Variants in COL4A3 observed in about 807,000 individuals in gnomAD.
COL4A3 encodes collagen type IV alpha 3 chain, also known as collagen alpha-3(IV) chain.
A neutral mutation model predicts 217.4 loss-of-function variants in COL4A3; 135 were observed. That is an observed-to-expected ratio of 0.62 (90% CI 0.54 to 0.72). The LOEUF is 0.72. COL4A3 is among the 30% of genes least tolerant of loss of function. The probability of loss-of-function intolerance (pLI) is 0.00; values close to 1 mark genes in which losing one functional copy is unlikely to be tolerated. For synonymous variants in COL4A3, 690 were observed against 736.3 expected (o/e 0.94, Z 1.02); for missense variants, 1,868 against 2,119.9 (o/e 0.88, Z 2.33).
At chr2:227,261,152 G>C (rs372266721) in intron 20 of COL4A3, 35 bp downstream of exon 20, 16 of 1,571,196 alleles carry the variant, frequency 1.0e-5, no homozygotes, top group Non-Finnish European at 1.3e-5. Context: ...AAATAGAAAT[G>C]CTATTACAAA....
rs2073630855 is a variant in COL4A3, at chr2:227,309,003, C to T, written c.4567C>T (p.Leu1523=). 9 of 1,614,176 alleles carry T rather than the reference C, an allele frequency of 5.6e-6. No homozygotes were observed. The highest frequency in any genetic ancestry group is 7.6e-6 in the Non-Finnish European group (9 of 1,180,016). The part of the protein sequence containing the change: ...FASRNDYSYW[L]STPALMPMNM... ...ATCTCGAAATGATTATTCATACTGG[C>T]TGTCAACACCAGCTCTGATGCCAAT... The change falls in exon 49 of 52, where the codon CTG becomes TTG. Residue 1523 remains leucine, a synonymous_variant. Transcript: ENST00000396578.
In COL4A3 at chr2:227,280,947, T is replaced by C. The variant is rs1430269347; in HGVS notation, c.2429T>C (p.Ile810Thr). The C allele has an allele frequency of 3.2e-6, 5 of 1,568,528 alleles. No individual in the cohort carries two copies. Among genetic ancestry groups the C allele is most frequent in the South Asian group, 2.4e-5 (2 of 84,906 alleles). ...GAACAAGGACCCCCAGGAAGGTGCA[T>C]AGAGGGTCCCAGGGGAGCCCAAGGA... ...PGEQGPPGRC[I>T]EGPRGAQGLP... The change falls in exon 31 of 52, where the codon ATA becomes ACA. Residue 810 changes from isoleucine (I) to threonine (T), a missense_variant. Ile to Thr is a moderately conservative substitution (Grantham distance 89). Around this residue, in one of 2 missense-constraint regions of COL4A3, gnomAD observed 1,503 missense variants for 1,786.1 expected, o/e 0.84. Coordinates refer to ENST00000396578, the MANE Select transcript of COL4A3 (RefSeq NM_000091.5).
intron 1 of COL4A3, among the ~76,000 whole-genome samples, chr2:227,193,638 G>C (rs2066328162): frequency 6.6e-6 from 1 of 151,768 alleles, no homozygotes. Flanking sequence ...CTTGAACCAG[G>C]GAGACTGAAG....
intron 1 of COL4A3, among the ~76,000 whole-genome samples, chr2:227,206,281 C>G (rs2067098312): frequency 6.6e-6 from 1 of 152,132 alleles, no homozygotes; most frequent in African/African-American, 2.4e-5. Context: ...ACCATGTTGG[C>G]CAGGCTGGTC....
intron 1 of COL4A3, among the ~76,000 whole-genome samples, chr2:227,176,953 G>A (rs1391446315): frequency 2.0e-5 from 3 of 152,074 alleles, no homozygotes; most frequent in African/African-American, 7.2e-5. Context: ...AGTTATATGT[G>A]CTGTACAAAA....
At chr2:227,276,181 C>T (rs1357647221) in intron 26 of COL4A3, among the ~76,000 whole-genome samples, 1 of 152,202 alleles carries the variant, frequency 6.6e-6, no homozygotes, top group Non-Finnish European at 1.5e-5. Flanking sequence ...AGACGATTGT[C>T]TACACTTATA....
intron 1 of COL4A3, among the ~76,000 whole-genome samples, chr2:227,179,645 T>G (rs2065806381): frequency 6.6e-6 from 1 of 152,230 alleles, no homozygotes. Context: ...GACAAAACAT[T>G]GAATGTTTCA....
chr2:227,303,005 G>T, intron 43 of COL4A3, 33 bp from the exon 44 acceptor site: 1 of 1,476,886 alleles, frequency 6.8e-7, no homozygotes, highest in Non-Finnish European at 9.5e-7. Context: ...TTAAAAATTT[G>T]TTTTGGTTCT....
chr2:227,197,551 A>T lies in COL4A3; in HGVS notation c.87+32738A>T, dbSNP rs933756377. Among the ~76,000 whole-genome samples the T allele has an allele frequency of 3.9e-5, 6 of 152,196 alleles. No individual in the cohort carries two copies. In the East Asian group the frequency reaches 7.7e-4, roughly 20 times the overall value. ...GTATACTTAAAAAAAAATCACCAAG[A>T]CCAAGTAGTATTATTCCAGAAATGC... On this transcript the variant is annotated intron_variant, in intron 1 of 51. Coordinates refer to ENST00000396578, the MANE Select transcript of COL4A3 (RefSeq NM_000091.5).
At chr2:227,221,600 G>C (rs557963658) in intron 1 of COL4A3, 26 of 151,954 alleles carry the variant, frequency 1.7e-4, no homozygotes, top group African/African-American at 5.3e-4. Context: ...GAGCCCTTTC[G>C]TGACCACATT....
Position 227,253,881 on chromosome 2 carries a change from A to C in COL4A3, c.766-231A>C, listed in dbSNP as rs547377723. Among the ~76,000 whole-genome samples, 10 of 152,226 alleles carry C rather than the reference A, an allele frequency of 6.6e-5. No homozygotes were observed. The highest frequency in any genetic ancestry group is 3.9e-4 in the East Asian group (2 of 5,180). On this transcript the variant is annotated intron_variant, in intron 13 of 51. Transcript: ENST00000396578. This position sits in a 1 kb window ranked among gnomAD's most constrained non-coding sequence, Gnocchi z 4.4. ...AGAGTGAGACTTCATTTAAAAAAAAAAACAACAAAAAAAAGATACTTAAAA... is the reference window on the plus strand; with the variant it reads ...AGAGTGAGACTTCATTTAAAAAAAACAACAACAAAAAAAAGATACTTAAAA...
chr2:227,282,948 C>T lies in COL4A3; in HGVS notation c.2656+416C>T, dbSNP rs111252630. On this transcript the variant is annotated intron_variant, in intron 32 of 51. Coordinates refer to ENST00000396578, the MANE Select transcript of COL4A3 (RefSeq NM_000091.5). This position sits in a 1 kb window ranked among gnomAD's most constrained non-coding sequence, Gnocchi z 4.4. ...TCTGGAACAGTTTGTGAAGAATCGA[C>T]GCTCTTTAAACATTTGGTAGAATTC... 0.031 allele frequency among the ~76,000 whole-genome samples: 4,773 copies of T among 152,220 alleles called. 138 individuals are homozygous for T. Among genetic ancestry groups the T allele is most frequent in the Admixed American group, 0.045 (681 of 15,278 alleles).
intron 1 of COL4A3, among the ~76,000 whole-genome samples, chr2:227,194,040 AGAAAGAGAAGGAG>A: frequency 2.3e-5 from 1 of 44,398 alleles, no homozygotes; most frequent in African/African-American, 8.9e-5. Flanking sequence ...GGAAGGGGAG[AGAAAGAGAAGGAG>A]AGGAGAAGGA....
intron 1 of COL4A3, 22 bp from the exon 2 acceptor site, chr2:227,237,946 C>T: frequency 6.3e-7 from 1 of 1,593,486 alleles, no homozygotes; most frequent in South Asian, 1.1e-5. Flanking sequence ...AAACAAAACC[C>T]TTTCTCTTTC....
Position 227,204,916 on chromosome 2 carries a change from G to A in COL4A3, c.88-33052G>A, listed in dbSNP as rs1246669934. Reference sequence around the variant, plus strand: ...TGACTAATGACTGGTCATATGCGTGGGCACATACATAATACATGAAGTTGT... The same window carrying A: ...TGACTAATGACTGGTCATATGCGTGAGCACATACATAATACATGAAGTTGT... On this transcript the variant is annotated intron_variant, in intron 1 of 51. Transcript: ENST00000396578. Among the ~76,000 whole-genome samples the A allele has an allele frequency of 3.3e-5, 5 of 152,144 alleles. No individual in the cohort carries two copies. The East Asian group carries it at 9.6e-4, about 29-fold the overall frequency.
At chr2:227,244,150 C>G (rs1169117732) in intron 3 of COL4A3, among the ~76,000 whole-genome samples, 170 bp from the exon 4 acceptor site, 1 of 152,100 alleles carries the variant, frequency 6.6e-6, no homozygotes, top group African/African-American at 2.4e-5. Context: ...TTCTGATAAA[C>G]AATTATCAAG....
intron 26 of COL4A3, among the ~76,000 whole-genome samples, chr2:227,273,459 C>T (rs1180672960): frequency 6.6e-6 from 1 of 152,172 alleles, no homozygotes; most frequent in Non-Finnish European, 1.5e-5. Context: ...GGCTGGAGTG[C>T]AGTGGCATAA....
At chr2:227,256,456 T>G in intron 17 of COL4A3, 60 bp downstream of exon 17, 1 of 1,357,090 alleles carries the variant, frequency 7.4e-7, no homozygotes, top group Non-Finnish European at 1.1e-6. Context: ...CTTTTACTTT[T>G]ACCTCCAACC....
chr2:227,175,252 A>T (rs2065635407), intron 1 of COL4A3, among the ~76,000 whole-genome samples: 1 of 152,150 alleles, frequency 6.6e-6, no homozygotes, highest in South Asian at 2.1e-4. Context: ...TGGGCAGATC[A>T]CCTGAGGTCA....
Sources: gnomAD v4.1 joint callset for allele counts (sites outside exome capture counted in the v4.1 genomes callset) on GRCh38, gnomAD v4.1.1 for gene constraint, gnomAD v4.1.1 regional missense constraint, Gnocchi (gnomAD v3.1) non-coding constraint, MANE v1.5 for transcripts, NCBI Gene and HGNC (gene_info 2026-07-23, HGNC 2026-07-21) for gene names.